The following WWOX variants were observed in gnomAD, a reference collection of about 807,000 sequenced individuals.
WWOX encodes the protein WW domain-containing oxidoreductase.
A neutral mutation model predicts 46.2 loss-of-function variants in WWOX; 69 were observed. The observed-to-expected ratio is 1.49, with a 90% CI of 1.23 to 1.82. WWOX has a LOEUF of 1.82. Ranked by LOEUF, WWOX falls within the 40% of genes most tolerant of loss-of-function variation. The pLI is 0.00. For synonymous variants in WWOX, 359 were observed against 202.6 expected (o/e 1.77, Z -6.56); for missense variants, 919 against 542.6 (o/e 1.69, Z -6.89).
At chr16:78,754,431 A>C (rs994991020) in intron 8 of WWOX, among the ~76,000 whole-genome samples, 1 of 152,132 alleles carries the variant, frequency 6.6e-6, no homozygotes, top group African/African-American at 2.4e-5. Context: ...AGGGTTTTGA[A>C]GAGTTTGGCA....
chr16:78,247,421 A>G (rs1471807029), intron 5 of WWOX, among the ~76,000 whole-genome samples: 1 of 152,104 alleles, frequency 6.6e-6, no homozygotes, highest in African/African-American at 2.4e-5. Flanking sequence ...GGTGCAAAAG[A>G]TGCCTCTGGG....
chr16:78,136,343 A>T (rs189202335), intron 4 of WWOX, among the ~76,000 whole-genome samples: 2 of 152,346 alleles, frequency 1.3e-5, no homozygotes, highest in Admixed American at 1.3e-4. Flanking sequence ...TGCTTGTAAT[A>T]TACATTCAGA....
intron 8 of WWOX, among the ~76,000 whole-genome samples, chr16:78,745,737 C>T (rs1362951753): frequency 6.6e-6 from 1 of 151,510 alleles, no homozygotes; most frequent in African/African-American, 2.4e-5. Context: ...TTTCCTCCTC[C>T]TTCTCCTCCT....
intron 8 of WWOX, among the ~76,000 whole-genome samples, chr16:79,181,797 A>G (rs7193132): frequency 1.2e-3 from 176 of 152,242 alleles, no homozygotes; most frequent in African/African-American, 4.0e-3. Context: ...CAGCCTGCAA[A>G]CAATCCCACT....
intron 4 of WWOX, among the ~76,000 whole-genome samples, chr16:78,145,719 T>C (rs573720063): frequency 6.6e-6 from 1 of 152,298 alleles, no homozygotes; most frequent in Admixed American, 6.5e-5. Context: ...AGTAGGCTTC[T>C]TCGTGTTCAC....
chr16:78,736,786 T>A (rs2049102334), intron 8 of WWOX, among the ~76,000 whole-genome samples: 1 of 152,048 alleles, frequency 6.6e-6, no homozygotes, highest in African/African-American at 2.4e-5. Context: ...TTTTAAAAAT[T>A]TTTTTAGACA....
chr16:78,239,392 A>T (rs2151817035), intron 5 of WWOX, among the ~76,000 whole-genome samples: 1 of 152,252 alleles, frequency 6.6e-6, no homozygotes, highest in African/African-American at 2.4e-5. Flanking sequence ...TGAGACCCTG[A>T]TGGAGAACTG....
chr16:78,266,736 A>G (rs868167262), intron 5 of WWOX, among the ~76,000 whole-genome samples: 4 of 151,516 alleles, frequency 2.6e-5, no homozygotes, highest in South Asian at 2.1e-4. Flanking sequence ...ATCGCTTCCA[A>G]CATCGCCTCC....
At chr16:79,164,867 A>G (rs1455275621) in intron 8 of WWOX, among the ~76,000 whole-genome samples, 2 of 152,140 alleles carry the variant, frequency 1.3e-5, no homozygotes, top group African/African-American at 2.4e-5. Flanking sequence ...AAACCTACAA[A>G]TACACACACA....
Position 78,935,356 on chromosome 16 carries a change from G to A in WWOX, c.1057-276252G>A, listed in dbSNP as rs142094089. Among the ~76,000 whole-genome samples the A allele has an allele frequency of 9.1e-3, 1,382 of 152,178 alleles. 25 individuals are homozygous for A. The highest frequency in any genetic ancestry group is 0.032 in the African/African-American group (1,328 of 41,492). On this transcript the variant is annotated intron_variant, in intron 8 of 8. Transcript: ENST00000566780. ...ATAGCAAAGACTTGGAACCAACTCA[G>A]ATGTTCATCAATGATAGACTGGATT...
chr16:78,849,263 C>T (rs547917056), intron 8 of WWOX, among the ~76,000 whole-genome samples: 16 of 152,218 alleles, frequency 1.1e-4, no homozygotes, highest in African/African-American at 2.6e-4. Flanking sequence ...TGCGAAGTCA[C>T]GAAGTTGTCA....
intron 8 of WWOX, among the ~76,000 whole-genome samples, chr16:78,978,464 G>T (rs2046615791): frequency 6.6e-6 from 1 of 152,188 alleles, no homozygotes; most frequent in African/African-American, 2.4e-5. Flanking sequence ...GCGAAGTGCA[G>T]GGGTTCCAGT....
In WWOX at chr16:78,970,898, T is replaced by C. The variant is rs113138021; in HGVS notation, c.1057-240710T>C. On this transcript the variant is annotated intron_variant, in intron 8 of 8. Transcript: ENST00000566780. ...CTCAAAAATATAATCAGATGATTTG[T>C]TTGCTTCTGTCTTTTGCTATGGTGG... Among the ~76,000 whole-genome samples the C allele has an allele frequency of 2.9e-3, 440 of 152,176 alleles. 4 individuals are homozygous for C. Among genetic ancestry groups the C allele is most frequent in the African/African-American group, 9.8e-3 (406 of 41,520 alleles).
chr16:78,454,169 TG>T (rs2083756352), intron 8 of WWOX, among the ~76,000 whole-genome samples: 1 of 152,194 alleles, frequency 6.6e-6, no homozygotes, highest in African/African-American at 2.4e-5. Flanking sequence ...CTAATCTAAT[TG>T]TTTCCCAAAC....
intron 4 of WWOX, among the ~76,000 whole-genome samples, chr16:78,129,491 T>C (rs1040269688): frequency 2.0e-5 from 3 of 152,306 alleles, no homozygotes; most frequent in African/African-American, 4.8e-5. Context: ...TGTAATCTTA[T>C]GGGACTGCCG....
chr16:78,147,692 TTTTTA>T (rs1799511299), intron 4 of WWOX, among the ~76,000 whole-genome samples: 1 of 108,606 alleles, frequency 9.2e-6, no homozygotes, highest in African/African-American at 3.4e-5. Context: ...TTTTTTTTTT[TTTTTA>T]AAAAAAAAAA....
intron 8 of WWOX, among the ~76,000 whole-genome samples, chr16:79,076,108 T>A (rs958263890): frequency 9.2e-5 from 14 of 152,218 alleles, no homozygotes; most frequent in African/African-American, 3.4e-4. Context: ...TTGCCGAGAT[T>A]TGTAAGAGTA....
chr16:79,015,050 C>T (rs1392834338), intron 8 of WWOX, among the ~76,000 whole-genome samples: 1 of 152,170 alleles, frequency 6.6e-6, no homozygotes, highest in African/African-American at 2.4e-5. Context: ...AGGGGCCTTT[C>T]TCCTGCTGTC....
intron 8 of WWOX, among the ~76,000 whole-genome samples, chr16:78,931,137 T>C (rs2045615581): frequency 6.6e-6 from 1 of 152,198 alleles, no homozygotes; most frequent in South Asian, 2.1e-4. Flanking sequence ...GGTCCTATCA[T>C]TGTCCTTAAG....
Sources: allele counts gnomAD v4.1 joint callset (sites outside exome capture counted in the v4.1 genomes callset), GRCh38; gene constraint gnomAD v4.1.1; transcripts MANE v1.5; gene names NCBI Gene and HGNC (gene_info 2026-07-23, HGNC 2026-07-21).